Variants in STAT3 observed in about 807,000 individuals in gnomAD.
The protein encoded by STAT3 is signal transducer and activator of transcription 3.
In STAT3, 7 loss-of-function variants were observed where a neutral mutation model predicts 114.3. The ratio of observed to expected loss-of-function variants is 0.06; its 90% CI spans 0.03 to 0.11. The LOEUF is 0.11. Ranked by LOEUF, STAT3 falls within the 10% of genes least tolerant of loss-of-function variation. The pLI is 1.00. For synonymous variants in STAT3, 331 were observed against 354.5 expected, an observed-to-expected ratio of 0.93 and a Z score of 0.74; for missense variants, 364 against 960.9, an observed-to-expected ratio of 0.38 and a Z score of 8.21.
At chr17:42,356,511 GTT>G (rs1313130076) in intron 1 of STAT3, among the ~76,000 whole-genome samples, 1 of 143,120 alleles carries the variant, frequency 7.0e-6, no homozygotes, top group South Asian at 2.3e-4. Flanking sequence ...TTCAGAATGT[GTT>G]TGTGTGTGTG....
chr17:42,331,692 C>G (rs1357831812), intron 10 of STAT3, among the ~76,000 whole-genome samples, 161 bp from the exon 11 acceptor site: 1 of 152,148 alleles, frequency 6.6e-6, no homozygotes, highest in Non-Finnish European at 1.5e-5. Flanking sequence ...CTGTGGGAGG[C>G]CAAGCTGGGA....
intron 1 of STAT3, among the ~76,000 whole-genome samples, chr17:42,380,532 C>T (rs1381458943): frequency 6.6e-6 from 1 of 151,668 alleles, no homozygotes; most frequent in Non-Finnish European, 1.5e-5. Context: ...TTACAGGTGC[C>T]CACCACCACA....
intron 1 of STAT3, among the ~76,000 whole-genome samples, chr17:42,382,641 T>TC (rs764575980): frequency 5.9e-5 from 9 of 151,538 alleles, no homozygotes; most frequent in Non-Finnish European, 1.3e-4. Flanking sequence ...GTTGCGGTAA[T>TC]CCTTTTTTTT....
At chr17:42,319,649 T>C (rs1321878744) in intron 21 of STAT3, among the ~76,000 whole-genome samples, 3 of 148,614 alleles carry the variant, frequency 2.0e-5, no homozygotes, top group Non-Finnish European at 4.5e-5. Context: ...GCTCCGAACC[T>C]CTCCCTCAAG....
chr17:42,346,747 G>A (rs1447803817), intron 2 of STAT3, 34 bp from the exon 3 acceptor site: 1 of 1,613,704 alleles, frequency 6.2e-7, no homozygotes, highest in African/African-American at 1.3e-5. Context: ...GAATGGCTCT[G>A]AAGCCGACGC....
chr17:42,337,478 T>G lies in STAT3; in HGVS notation c.754A>C (p.Ile252Leu). The change falls in exon 8 of 24, where the codon ATT becomes CTT. Residue 252 changes from isoleucine to leucine, a missense_variant. By Grantham distance (5) the Ile-to-Leu change is conservative. Coordinates refer to ENST00000264657, the MANE Select transcript of STAT3 (RefSeq NM_139276.3). This position sits in a 1 kb window ranked among gnomAD's most constrained non-coding sequence, Gnocchi z 4.0. ...AGGCAGATGTTGGGCGGGCCTCCAA[T>G]GCAGGCAATCTGTTGCCGCCTCTTC... is the stretch of plus-strand genomic sequence containing the variant. ...DWKRRQQIAC[I>L]GGPPNICLDR... 6.2e-7 allele frequency: 1 copy of G among 1,614,210 alleles called. No homozygotes were observed. Among genetic ancestry groups the G allele is most frequent in the East Asian group, 2.2e-5 (1 of 44,886 alleles).
At chr17:42,362,799 T>C (rs2083581901) in intron 1 of STAT3, among the ~76,000 whole-genome samples, 1 of 152,224 alleles carries the variant, frequency 6.6e-6, no homozygotes, top group Non-Finnish European at 1.5e-5. Flanking sequence ...ACATCCTGGC[T>C]GGCTCTGCCC....
intron 15 of STAT3, 78 bp from the exon 16 acceptor site, chr17:42,325,139 C>A (rs772603072): frequency 3.4e-5 from 48 of 1,392,122 alleles, no homozygotes; most frequent in Non-Finnish European, 4.4e-5. Context: ...CCGCATCTCA[C>A]GGGGCTCAGA....
intron 1 of STAT3, among the ~76,000 whole-genome samples, chr17:42,358,932 A>ATTTTTTTTTTTTTTTTTTT (rs2083365690): frequency 2.0e-5 from 1 of 50,438 alleles, no homozygotes. Flanking sequence ...GACATTTCTT[A>ATTTTTTTTTTTTTTTTTTT]CTTTTTTTTT....
At chr17:42,381,254 T>C (rs2084776563) in intron 1 of STAT3, among the ~76,000 whole-genome samples, 1 of 152,132 alleles carries the variant, frequency 6.6e-6, no homozygotes, top group Non-Finnish European at 1.5e-5. Flanking sequence ...ATACTCAAAA[T>C]ATAAGTTCTT....
intron 1 of STAT3, among the ~76,000 whole-genome samples, chr17:42,385,442 G>T (rs1256492660): frequency 1.3e-5 from 2 of 151,524 alleles, no homozygotes; most frequent in Non-Finnish European, 1.5e-5. Flanking sequence ...CCGGGAGGAG[G>T]AGGTTGCAGT....
chr17:42,347,515 T>C (rs6503695), intron 2 of STAT3, among the ~76,000 whole-genome samples: 50,444 of 151,996 alleles, frequency 0.33, 8,604 homozygotes, highest in South Asian at 0.41. Context: ...AGAAAATAGT[T>C]GCTGGACATC....
At chr17:42,379,266 A>T (rs2084644312) in intron 1 of STAT3, among the ~76,000 whole-genome samples, 1 of 152,130 alleles carries the variant, frequency 6.6e-6, no homozygotes, top group African/African-American at 2.4e-5. Context: ...GCCAGGAAAA[A>T]AGAAAAGCAC....
intron 1 of STAT3, among the ~76,000 whole-genome samples, chr17:42,380,837 T>C (rs1194686992): frequency 6.6e-6 from 1 of 152,056 alleles, no homozygotes; most frequent in Non-Finnish European, 1.5e-5. Flanking sequence ...CACTTGAGCC[T>C]AGGAGGTCAA....
chr17:42,351,144 A>AG (rs2082934422), intron 1 of STAT3, among the ~76,000 whole-genome samples: 2 of 150,746 alleles, frequency 1.3e-5, no homozygotes, highest in Non-Finnish European at 1.5e-5. Flanking sequence ...AAAAAAAAAA[A>AG]AAAGAAAAGA....
At chr17:42,385,114 T>C (rs1011380465) in intron 1 of STAT3, among the ~76,000 whole-genome samples, 1 of 152,190 alleles carries the variant, frequency 6.6e-6, no homozygotes, top group African/African-American at 2.4e-5. Context: ...ACATGTTACA[T>C]TGGATGGTTA....
At position 42,369,835 on chromosome 17, in the gene STAT3, A is replaced by T. The variant is rs556607222; in HGVS notation, c.-24+18444T>A. Among the ~76,000 whole-genome samples the T allele has an allele frequency of 6.7e-5, 10 of 148,916 alleles. No homozygotes were observed. In the East Asian group the frequency reaches 7.8e-4, roughly 12 times the overall value. On this transcript the variant is annotated intron_variant, in intron 1 of 23. Transcript: ENST00000264657. Reference sequence around the variant, plus strand: ...TGCCAAACCCAGCTAATTAAAAAATATTTTTTTTTTGGTGATGAGGTCTAT... The same window carrying T: ...TGCCAAACCCAGCTAATTAAAAAATTTTTTTTTTTTGGTGATGAGGTCTAT...
chr17:42,382,309 T>C (rs923304713), intron 1 of STAT3, among the ~76,000 whole-genome samples: 2 of 152,248 alleles, frequency 1.3e-5, no homozygotes, highest in African/African-American at 4.8e-5. Context: ...TTTATCCACA[T>C]TATCTTATTG....
chr17:42,342,768 T>A lies in STAT3; in HGVS notation c.372+2791A>T, dbSNP rs1483592339. On this transcript the variant is annotated intron_variant, in intron 4 of 23. Coordinates refer to ENST00000264657, the MANE Select transcript of STAT3 (RefSeq NM_139276.3). ...CAGTTGGCCCCTTGTGGTAAACTGC[T>A]CTTCCAGGGCCCCACTGTTAGGCAT... 2.6e-5 allele frequency among the ~76,000 whole-genome samples: 4 copies of A among 152,238 alleles called. No homozygotes were observed. In the East Asian group the frequency reaches 7.7e-4, roughly 29 times the overall value.
Sources: allele counts gnomAD v4.1 joint callset (sites outside exome capture counted in the v4.1 genomes callset), GRCh38; gene constraint gnomAD v4.1.1; non-coding constraint Gnocchi (gnomAD v3.1); transcripts MANE v1.5; gene names NCBI Gene and HGNC (gene_info 2026-07-23, HGNC 2026-07-21).